Variants in PDE4D observed in about 807,000 individuals in gnomAD.
PDE4D encodes phosphodiesterase 4D.
Under a neutral mutation model 87.4 loss-of-function variants are expected in PDE4D, and 24 were observed. That is an observed-to-expected ratio of 0.27 (90% confidence interval 0.20 to 0.39). The LOEUF is 0.39. PDE4D is among the 10% of genes least tolerant of loss of function. PDE4D has a pLI of 1.00. For synonymous variants in PDE4D, 384 were observed against 383.2 expected, an observed-to-expected ratio of 1.00 and a Z score of -0.02; for missense variants, 714 against 1,041.0, an observed-to-expected ratio of 0.69 and a Z score of 4.32.
chr5:59,169,307 G>A (rs1782390889), intron 5 of PDE4D, among the ~76,000 whole-genome samples: 1 of 126,762 alleles, frequency 7.9e-6, no homozygotes, highest in South Asian at 2.6e-4. Context: ...AATGCAGTTT[G>A]TGTGGTTCTT....
At chr5:59,127,631 C>A (rs1021698062) in intron 5 of PDE4D, among the ~76,000 whole-genome samples, 2 of 143,984 alleles carry the variant, frequency 1.4e-5, no homozygotes, top group Admixed American at 1.4e-4. Context: ...CCTCACCCCC[C>A]ACACTCCAGC....
rs159622 is a variant in PDE4D, at chr5:59,872,984, C to T, written c.455+20184G>A. Reference sequence around the variant, plus strand: ...GTCTTCATCTCTGAATGTGCTTGTGCGCAAAATGGCTATGTCTAACCAGAT... The same window carrying T: ...GTCTTCATCTCTGAATGTGCTTGTGTGCAAAATGGCTATGTCTAACCAGAT... On this transcript the variant is annotated intron_variant, in intron 1 of 14. Coordinates refer to ENST00000340635, the MANE Select transcript of PDE4D (RefSeq NM_001104631.2). 1.6e-4 allele frequency among the ~76,000 whole-genome samples: 25 copies of T among 151,964 alleles called. No individual in the cohort carries two copies. In the East Asian group the frequency reaches 3.7e-3, roughly 22 times the overall value.
At chr5:59,596,300 C>A in intron 1 of PDE4D, among the ~76,000 whole-genome samples, 1 of 148,898 alleles carries the variant, frequency 6.7e-6, no homozygotes, top group East Asian at 2.0e-4. Context: ...GAAAATATTT[C>A]ATTTAGAAAA....
chr5:59,251,565 C>G (rs1237304274), intron 1 of PDE4D, among the ~76,000 whole-genome samples: 1 of 152,032 alleles, frequency 6.6e-6, no homozygotes, highest in Non-Finnish European at 1.5e-5. Context: ...GGAACACTTA[C>G]AAACTTTTGG....
At chr5:59,944,306 A>G (rs565506847) in intron 3 of PDE4D, among the ~76,000 whole-genome samples, 3 of 149,230 alleles carry the variant, frequency 2.0e-5, no homozygotes, top group African/African-American at 7.3e-5. Context: ...AAAATTTTGC[A>G]TTAGGATTGT....
At chr5:59,112,060 G>C (rs1245028634) in intron 5 of PDE4D, among the ~76,000 whole-genome samples, 1 of 152,148 alleles carries the variant, frequency 6.6e-6, no homozygotes, top group Non-Finnish European at 1.5e-5. Flanking sequence ...ATTGGGAATG[G>C]TATTAATGTG....
chr5:59,171,555 G>T (rs1338021012), intron 5 of PDE4D, among the ~76,000 whole-genome samples: 1 of 151,990 alleles, frequency 6.6e-6, no homozygotes, highest in Non-Finnish European at 1.5e-5. Context: ...GGAGCATCCT[G>T]TTCAGTTGCT....
chr5:59,904,345 C>A (rs968615504), intron 3 of PDE4D, among the ~76,000 whole-genome samples: 3 of 152,082 alleles, frequency 2.0e-5, no homozygotes, highest in African/African-American at 4.8e-5. Flanking sequence ...AGAACCAGGA[C>A]CCCAAACTAG....
At chr5:59,732,078 C>T (rs545070952) in intron 1 of PDE4D, among the ~76,000 whole-genome samples, 6 of 152,226 alleles carry the variant, frequency 3.9e-5, no homozygotes, top group Middle Eastern at 3.4e-3. Context: ...ATCACTGCTG[C>T]GCAAACATCA....
chr5:59,005,412 T>A (rs1022336752), intron 6 of PDE4D, among the ~76,000 whole-genome samples: 4 of 152,226 alleles, frequency 2.6e-5, no homozygotes, highest in Non-Finnish European at 5.9e-5. Context: ...AGTTTCCATA[T>A]TTCTAGGGAA....
In PDE4D at chr5:59,097,197, C is replaced by T. The variant is rs1769889477; in HGVS notation, c.809-58226G>A. On this transcript the variant is annotated intron_variant, in intron 5 of 14. Coordinates refer to ENST00000340635, the MANE Select transcript of PDE4D (RefSeq NM_001104631.2). ...AAGCAAAACTAACCAAAGAGACAAA[C>T]AGACACATGAATAATGAGGCAGTTC... Among the ~76,000 whole-genome samples, 3 of 152,288 alleles carry T rather than the reference C, an allele frequency of 2.0e-5. No homozygotes were observed. In the South Asian group the frequency reaches 6.2e-4, roughly 32 times the overall value.
At chr5:59,132,285 A>T (rs974402613) in intron 5 of PDE4D, among the ~76,000 whole-genome samples, 4 of 152,190 alleles carry the variant, frequency 2.6e-5, no homozygotes, top group African/African-American at 9.7e-5. Context: ...AAGAGTGGAG[A>T]TGACAGGTGA....
intron 1 of PDE4D, among the ~76,000 whole-genome samples, chr5:59,534,729 G>GA (rs1814840994): frequency 6.6e-6 from 1 of 152,128 alleles, no homozygotes; most frequent in Non-Finnish European, 1.5e-5. Flanking sequence ...TTCAGGTTGT[G>GA]GATTTACATA....
intron 5 of PDE4D, among the ~76,000 whole-genome samples, chr5:59,047,997 C>T (rs1464997762): frequency 3.3e-5 from 5 of 152,266 alleles, no homozygotes; most frequent in South Asian, 4.1e-4. Flanking sequence ...TTGTTTAAGC[C>T]ATCAGTTTAT....
At chr5:59,018,542 A>G (rs1754483429) in intron 6 of PDE4D, among the ~76,000 whole-genome samples, 1 of 152,218 alleles carries the variant, frequency 6.6e-6, no homozygotes, top group African/African-American at 2.4e-5. Context: ...CAAATATGTA[A>G]AAAACACGAA....
chr5:59,269,919 C>A (rs1318959144), intron 1 of PDE4D, among the ~76,000 whole-genome samples: 2 of 151,954 alleles, frequency 1.3e-5, no homozygotes, highest in African/African-American at 2.4e-5. Context: ...ACCTGCCTTG[C>A]CCCTTTTATT....
intron 1 of PDE4D, among the ~76,000 whole-genome samples, chr5:59,696,877 A>G (rs1256485078): frequency 6.6e-6 from 1 of 152,180 alleles, no homozygotes; most frequent in Non-Finnish European, 1.5e-5. Flanking sequence ...TGTTGAAGGA[A>G]TGAAGGACTA....
chr5:59,850,247 T>C (rs1744478750), intron 1 of PDE4D, among the ~76,000 whole-genome samples: 1 of 152,052 alleles, frequency 6.6e-6, no homozygotes, highest in Admixed American at 6.6e-5. Context: ...GTTAATAGAT[T>C]AGAATAATCA....
chr5:60,084,767 C>A (rs1562073099), intron 2 of PDE4D, among the ~76,000 whole-genome samples: 1 of 152,158 alleles, frequency 6.6e-6, no homozygotes. Flanking sequence ...TGTATTATTA[C>A]CAAAATATTA....
Sources: allele counts gnomAD v4.1 joint callset (sites outside exome capture counted in the v4.1 genomes callset), GRCh38; gene constraint gnomAD v4.1.1; transcripts MANE v1.5; gene names NCBI Gene and HGNC (gene_info 2026-07-23, HGNC 2026-07-21).